MXD1: variants seen among roughly 807,000 people sequenced by gnomAD.
MXD1 encodes MAX-binding protein.
In MXD1, 9 loss-of-function variants were observed where a neutral mutation model predicts 25.7. The ratio of observed to expected loss-of-function variants is 0.35; its 90% CI spans 0.21 to 0.61. The LOEUF (loss-of-function observed/expected upper bound fraction) is 0.61. Among genes scored for constraint, MXD1 ranks in the 20% least tolerant of loss-of-function variants. The probability of loss-of-function intolerance (pLI) is 0.75; values close to 1 mark genes in which losing one functional copy is unlikely to be tolerated. For missense variants in MXD1, 227 were observed against 292.4 expected (o/e 0.78, Z 1.63); for synonymous variants, 99 against 113.9 (o/e 0.87, Z 0.83).
chr2:69,935,433 A>G lies in MXD1; in HGVS notation c.286A>G (p.Ser96Gly). 1 of 1,614,130 alleles carries G rather than the reference A, an allele frequency of 6.2e-7. No homozygotes were observed. The highest frequency in any genetic ancestry group is 8.5e-7 in the Non-Finnish European group (1 of 1,179,962). ...GPESSRHTTLSLLTKAKLHIK... is the reference protein window; with the variant it reads ...GPESSRHTTLGLLTKAKLHIK... ...CGAATCAAGTCGACACACTACGTTG[A>G]GTTTATTAACAAAAGCCAAATTGCA... The change falls in exon 4 of 6, where the codon AGT becomes GGT. Residue 96 changes from serine to glycine, a missense_variant. Coordinates refer to ENST00000264444, the MANE Select transcript of MXD1 (RefSeq NM_002357.4).
At position 69,935,469 on chromosome 2, in the gene MXD1, A is replaced by C. The variant is rs772374295; in HGVS notation, c.318+4A>C. 14 of 1,595,802 alleles carry C rather than the reference A, an allele frequency of 8.8e-6. No homozygotes were observed. The highest frequency in any genetic ancestry group is 1.7e-5 in the Admixed American group (1 of 59,982). On this transcript the variant is annotated splice_donor_region_variant and intron_variant, in intron 4 of 5. Coordinates refer to ENST00000264444, the MANE Select transcript of MXD1 (RefSeq NM_002357.4). The stretch of plus-strand genomic sequence containing the variant: ...AAAAGCCAAATTGCACATAAAGGTA[A>C]GTGTATTGTTGGGATGCTGCTTTAT...
Position 69,915,514 on chromosome 2 carries a change from G to A in MXD1, c.73+111G>A. On this transcript the variant is annotated intron_variant, in intron 1 of 5. Coordinates refer to ENST00000264444, the MANE Select transcript of MXD1 (RefSeq NM_002357.4). The surrounding 1 kb of genome is among the most constrained non-coding windows in gnomAD (Gnocchi z 5.8). ...GGGGGTGGTTGGAGGCGGGGAGACC[G>A]CGAGCGCTCCCAACCCCTCTGGCTC... The A allele has an allele frequency of 1.1e-6, 1 of 889,842 alleles. No individual in the cohort carries two copies. Among genetic ancestry groups the A allele is most frequent in the Non-Finnish European group, 1.5e-6 (1 of 661,578 alleles). The allele number at this position is 889,842 out of a possible 1,614,324, so 55.1% of individuals were successfully genotyped here.
chr2:69,938,374 C>T lies in MXD1; in HGVS notation c.*90C>T, dbSNP rs1030742421. 6.5e-6 allele frequency: 9 copies of T among 1,390,866 alleles called. No homozygotes were observed. Among genetic ancestry groups the T allele is most frequent in the Admixed American group, 4.0e-5 (2 of 50,114 alleles). 86.2% of individuals were successfully genotyped at this position (1,390,866 alleles called of 1,614,324 possible). A position where few individuals can be genotyped will look rare whatever the true frequency, so the allele number is the denominator to read the frequency against. On this transcript the variant is annotated 3_prime_UTR_variant, in exon 6 of 6. Coordinates refer to ENST00000264444, the MANE Select transcript of MXD1 (RefSeq NM_002357.4). ...TGGACCTGCCCACAACTCCCTTGCA[C>T]GTAAACTTCAGTGTCCCACCTTGAC...
chr2:69,935,486 C>G, intron 4 of MXD1, 21 bp downstream of exon 4: 1 of 1,503,874 alleles, frequency 6.6e-7, no homozygotes, highest in South Asian at 1.1e-5. Context: ...TGTTGGGATG[C>G]TGCTTTATCT....
chr2:69,937,531 A>T (rs1677482279), intron 5 of MXD1, 137 bp downstream of exon 5: 1 of 789,604 alleles, frequency 1.3e-6, no homozygotes, highest in Non-Finnish European at 1.9e-6. Context: ...GAACAGTGTG[A>T]CCTCCAGTGA....
chr2:69,928,688 G>A (rs148712348), intron 3 of MXD1, among the ~76,000 whole-genome samples: 4,009 of 144,876 alleles, frequency 0.028, 61 homozygotes, highest in Middle Eastern at 0.052. Flanking sequence ...GCAACATAGT[G>A]AGACCCATCT....
chr2:69,924,230 G>C (rs1163122765), intron 3 of MXD1, among the ~76,000 whole-genome samples: 1 of 152,220 alleles, frequency 6.6e-6, no homozygotes, highest in South Asian at 2.1e-4. Context: ...ATGTGCACAA[G>C]AAGCTAGAGG....
chr2:69,935,333 G>A lies in MXD1; in HGVS notation c.204-18G>A. 1 of 1,581,408 alleles carries A rather than the reference G, an allele frequency of 6.3e-7. No individual in the cohort carries two copies. Among genetic ancestry groups the A allele is most frequent in the African/African-American group, 1.3e-5 (1 of 74,230 alleles). ...CACTGTGAAACTCTCAAATGCTACT[G>A]TGGTCTTGTTTTCATAGACGGGCTC... On this transcript the variant is annotated intron_variant, in intron 3 of 5. Transcript: ENST00000264444.
At chr2:69,927,833 T>C (rs1195873785) in intron 3 of MXD1, among the ~76,000 whole-genome samples, 1 of 152,246 alleles carries the variant, frequency 6.6e-6, no homozygotes, top group African/African-American at 2.4e-5. Context: ...TACAAAGATT[T>C]ATCAGCACAA....
intron 3 of MXD1, among the ~76,000 whole-genome samples, chr2:69,923,302 C>T (rs1185933071): frequency 1.3e-5 from 2 of 152,214 alleles, no homozygotes; most frequent in African/African-American, 4.8e-5. Context: ...GAACTAGCCT[C>T]ATTCTGGTCT....
intron 3 of MXD1, among the ~76,000 whole-genome samples, chr2:69,930,192 T>C (rs2104189616): frequency 6.6e-6 from 1 of 152,366 alleles, no homozygotes; most frequent in Middle Eastern, 3.4e-3. Context: ...TTTATAGTTT[T>C]CTTCCCATAG....
At chr2:69,929,848 T>C (rs1291156551) in intron 3 of MXD1, among the ~76,000 whole-genome samples, 4 of 152,200 alleles carry the variant, frequency 2.6e-5, no homozygotes, top group African/African-American at 7.2e-5. Flanking sequence ...GGGATTTCTA[T>C]CCTATTCATT....
chr2:69,930,655 T>A (rs1487981368), intron 3 of MXD1, among the ~76,000 whole-genome samples: 2 of 152,254 alleles, frequency 1.3e-5, no homozygotes, highest in Non-Finnish European at 2.9e-5. Context: ...AAGGAAGTAT[T>A]CAGAAAAGTG....
rs150964763 is a variant in MXD1, at chr2:69,937,291, G to A, written c.375G>A (p.Glu125=). The change falls in exon 5 of 6, where the codon GAG becomes GAA. Residue 125 remains glutamate (E), a synonymous_variant. Coordinates refer to ENST00000264444, the MANE Select transcript of MXD1 (RefSeq NM_002357.4). ...ACCAAATCGACCAGCTTCAGCGAGA[G>A]CAGCGACACCTGAAGAGGCAGCTGG... ...AVHQIDQLQR[E]QRHLKRQLEK... is the part of the protein sequence containing the mutation. 3.9e-4 allele frequency: 636 copies of A among 1,614,144 alleles called. No individual in the cohort carries two copies. The highest frequency in any genetic ancestry group is 4.7e-4 in the Non-Finnish European group (551 of 1,180,046).
chr2:69,930,512 C>T lies in MXD1; in HGVS notation c.204-4839C>T, dbSNP rs902152237. On this transcript the variant is annotated intron_variant, in intron 3 of 5. Transcript: ENST00000264444. Reference sequence around the variant, plus strand: ...AATCTTTTATTTTGCATTCATTGGCCTTATAAAACCCTTGCTAATTTTGTA... The same window carrying T: ...AATCTTTTATTTTGCATTCATTGGCTTTATAAAACCCTTGCTAATTTTGTA... Among the ~76,000 whole-genome samples, 10 of 152,134 alleles carry T rather than the reference C, an allele frequency of 6.6e-5. No homozygotes were observed. In the South Asian group the frequency reaches 1.4e-3, roughly 22 times the overall value.
Position 69,915,256 on chromosome 2 carries a change from C to G in MXD1, c.-75C>G. ...TCCACAGCGGGCTCCATAGCGGGCTCCACAGCGGTCCGGCGGCGGCAGCGA... is the reference window on the plus strand; with the variant it reads ...TCCACAGCGGGCTCCATAGCGGGCTGCACAGCGGTCCGGCGGCGGCAGCGA... On this transcript the variant is annotated 5_prime_UTR_variant, in exon 1 of 6. Coordinates refer to ENST00000264444, the MANE Select transcript of MXD1 (RefSeq NM_002357.4). This position sits in a 1 kb window ranked among gnomAD's most constrained non-coding sequence, Gnocchi z 5.8. 8.0e-7 allele frequency: 1 copy of G among 1,255,746 alleles called. No homozygotes were observed. The highest frequency in any genetic ancestry group is 1.0e-6 in the Non-Finnish European group (1 of 981,274). The allele number at this position is 1,255,746 out of a possible 1,614,324, so 77.8% of individuals were successfully genotyped here.
Position 69,937,397 on chromosome 2 carries a change from G to T in MXD1, c.478+3G>T. The T allele has an allele frequency of 6.2e-7, 1 of 1,600,580 alleles. No homozygotes were observed. On this transcript the variant is annotated splice_donor_region_variant and intron_variant, in intron 5 of 5. Transcript: ENST00000264444. Reference sequence around the variant, plus strand: ...GGAGCGCTCCGACTCCGACAGGGGTGAGCCTCTCTCACTCTCCTCCCTGTC... The same window carrying T: ...GGAGCGCTCCGACTCCGACAGGGGTTAGCCTCTCTCACTCTCCTCCCTGTC...
At chr2:69,921,543 C>CT (rs1274610897) in intron 2 of MXD1, among the ~76,000 whole-genome samples, 193 bp from the exon 3 acceptor site, 1 of 152,182 alleles carries the variant, frequency 6.6e-6, no homozygotes, top group African/African-American at 2.4e-5. Context: ...ACCTTGAACT[C>CT]TATTTTAGGA....
intron 3 of MXD1, among the ~76,000 whole-genome samples, chr2:69,932,372 A>AT (rs1677308652): frequency 6.6e-6 from 1 of 151,930 alleles, no homozygotes; most frequent in Non-Finnish European, 1.5e-5. Flanking sequence ...AATATATTTC[A>AT]TTGCTCTCCT....
Sources: gnomAD v4.1 joint callset for allele counts (sites outside exome capture counted in the v4.1 genomes callset) on GRCh38, gnomAD v4.1.1 for gene constraint, Gnocchi (gnomAD v3.1) non-coding constraint, MANE v1.5 for transcripts, NCBI Gene and HGNC (gene_info 2026-07-23, HGNC 2026-07-21) for gene names.